Variants in RLIG1 observed in about 807,000 individuals in gnomAD.
The protein encoded by RLIG1 is RNA 5'-phosphate and 3'-OH ligase 1.
chr12:88,037,421 G>A, the RLIG1 span, among the ~76,000 whole-genome samples: 1 of 152,082 alleles, frequency 6.6e-6, no homozygotes, highest in Non-Finnish European at 1.5e-5. Context: ...GTTGTCCTTT[G>A]GATATGTCGA....
chr12:88,041,800 C>A, the RLIG1 span: 2 of 152,108 alleles, frequency 1.3e-5, no homozygotes, highest in Non-Finnish European at 2.9e-5. Flanking sequence ...GCAGCAGTTT[C>A]TTTATAAACC....
At chr12:88,040,278 T>C in the RLIG1 span, 1 of 1,348,460 alleles carries the variant, frequency 7.4e-7, no homozygotes. Context: ...AAAATAAAAC[T>C]ATAATATTTA....
At chr12:88,042,935 A>G in the RLIG1 span, 1 of 1,470,944 alleles carries the variant, frequency 6.8e-7, no homozygotes, top group Non-Finnish European at 9.2e-7. Flanking sequence ...GTTTTTTTTT[A>G]ACTTTTCATG....
At chr12:88,035,902 G>A in the RLIG1 span, 22 of 1,505,600 alleles carry the variant, frequency 1.5e-5, no homozygotes, top group South Asian at 2.5e-4. Flanking sequence ...AGTTCCGTAC[G>A]CCCTGAGCTC....
the RLIG1 span, among the ~76,000 whole-genome samples, chr12:88,037,772 G>A: frequency 6.6e-6 from 1 of 152,190 alleles, no homozygotes; most frequent in African/African-American, 2.4e-5. Context: ...ACAGCAGTAT[G>A]TTTATATTGT....
the RLIG1 span, among the ~76,000 whole-genome samples, chr12:88,040,475 A>G: frequency 1.3e-5 from 2 of 152,148 alleles, no homozygotes; most frequent in Non-Finnish European, 2.9e-5. Flanking sequence ...TATTTACTTA[A>G]TACCCTTAAG....
At chr12:88,036,117 T>TA in the RLIG1 span, 1 of 1,306,696 alleles carries the variant, frequency 7.7e-7, no homozygotes, top group Non-Finnish European at 1.0e-6. Context: ...AAGAGTGCAG[T>TA]AAGAAAGGGT....
At chr12:88,035,614 C>T in the RLIG1 span, 1 of 1,570,818 alleles carries the variant, frequency 6.4e-7, no homozygotes, top group Non-Finnish European at 8.6e-7. Context: ...CGCTCGAAAG[C>T]ACGCCCTCCA....
At chr12:88,046,618 A>G in the RLIG1 span, among the ~76,000 whole-genome samples, 1 of 152,192 alleles carries the variant, frequency 6.6e-6, no homozygotes, top group Non-Finnish European at 1.5e-5. Context: ...TGGAGAGTAC[A>G]CCAAGGTGGA....
At chr12:88,045,740 C>T in the RLIG1 span, 1 of 1,613,140 alleles carries the variant, frequency 6.2e-7, no homozygotes, top group Non-Finnish European at 8.5e-7. Flanking sequence ...AGAACAAACA[C>T]TGGAACTCAT....
At chr12:88,041,412 T>C in the RLIG1 span, among the ~76,000 whole-genome samples, 1 of 152,216 alleles carries the variant, frequency 6.6e-6, no homozygotes, top group African/African-American at 2.4e-5. Context: ...TAAACAGGCA[T>C]GAACAGATAT....
the RLIG1 span, chr12:88,049,731 AT>A: frequency 1.1e-5 from 2 of 178,752 alleles, no homozygotes; most frequent in South Asian, 3.3e-4. Flanking sequence ...AATCAAAAAG[AT>A]TTTGTGATTC....
the RLIG1 span, chr12:88,047,008 G>T: frequency 6.4e-7 from 1 of 1,558,568 alleles, no homozygotes; most frequent in Middle Eastern, 1.7e-4. Context: ...GTGGGGTTAT[G>T]TCATCTTATA....
chr12:88,040,600 C>T, the RLIG1 span, among the ~76,000 whole-genome samples: 64 of 152,236 alleles, frequency 4.2e-4, no homozygotes, highest in African/African-American at 1.3e-3. Context: ...GTCCAAGACC[C>T]AATAGTGACT....
At chr12:88,043,278 A>G in the RLIG1 span, among the ~76,000 whole-genome samples, 1 of 152,088 alleles carries the variant, frequency 6.6e-6, no homozygotes, top group Admixed American at 6.6e-5. Context: ...TACTCATTGT[A>G]TATCTATGCA....
chr12:88,040,103 G>GA, the RLIG1 span: 1 of 1,029,358 alleles, frequency 9.7e-7, no homozygotes, highest in South Asian at 1.3e-5. Flanking sequence ...CAAAGACATA[G>GA]AGGCTATCTA....
the RLIG1 span, chr12:88,036,198 C>T: frequency 5.1e-6 from 3 of 585,280 alleles, no homozygotes; most frequent in Non-Finnish European, 8.0e-6. Flanking sequence ...CTAATTAGGT[C>T]ACTGAAGTTC....
At chr12:88,049,726 A>G in the RLIG1 span, 3 of 182,238 alleles carry the variant, frequency 1.6e-5, no homozygotes, top group Admixed American at 6.3e-5. Flanking sequence ...CAATCAATCA[A>G]AAAGATTTTG....
the RLIG1 span, chr12:88,044,252 T>C: frequency 0.051 from 7,804 of 153,456 alleles, 684 homozygotes; most frequent in African/African-American, 0.18. Context: ...AGCCTGAGAG[T>C]TGGACTGTGA....
Sources: allele counts gnomAD v4.1 joint callset (sites outside exome capture counted in the v4.1 genomes callset), GRCh38; gene constraint gnomAD v4.1.1; transcripts MANE v1.5; gene names NCBI Gene and HGNC (gene_info 2026-07-23, HGNC 2026-07-21).